Variants in PARP6 observed in about 807,000 individuals in gnomAD.
The protein encoded by PARP6 is poly(ADP-ribose) polymerase family member 6, also known as protein mono-ADP-ribosyltransferase PARP6.
A neutral mutation model predicts 92.0 loss-of-function variants in PARP6; 27 were observed. The ratio of observed to expected loss-of-function variants is 0.29; its 90% CI spans 0.22 to 0.40. PARP6 has a LOEUF of 0.40. Among genes scored for constraint, PARP6 ranks in the 10% least tolerant of loss-of-function variants. PARP6 has a pLI of 1.00. For missense variants in PARP6, 501 were observed against 784.5 expected, an observed-to-expected ratio of 0.64 and a Z score of 4.32; for synonymous variants, 272 against 281.2, an observed-to-expected ratio of 0.97 and a Z score of 0.33.
At chr15:72,255,460 G>A (rs2084947896) in intron 14 of PARP6, among the ~76,000 whole-genome samples, 1 of 151,746 alleles carries the variant, frequency 6.6e-6, no homozygotes, top group East Asian at 1.9e-4. Flanking sequence ...CACCATGTTG[G>A]CCAGGCTGGT....
chr15:72,253,331 C>A, intron 16 of PARP6, 106 bp downstream of exon 16: 2 of 859,778 alleles, frequency 2.3e-6, no homozygotes, highest in Non-Finnish European at 1.9e-6. Flanking sequence ...CTGCCTATAA[C>A]CTTGGGAAGG....
At chr15:72,268,699 C>T (rs1307016241) in intron 2 of PARP6, among the ~76,000 whole-genome samples, 1 of 152,158 alleles carries the variant, frequency 6.6e-6, no homozygotes, top group Non-Finnish European at 1.5e-5. Context: ...AACTCCATCT[C>T]AAAATAAAAA....
intron 14 of PARP6, among the ~76,000 whole-genome samples, chr15:72,256,063 C>T (rs1056208919): frequency 6.6e-6 from 1 of 152,138 alleles, no homozygotes; most frequent in African/African-American, 2.4e-5. Context: ...TCCCAAAGTG[C>T]TGGGATTACA....
intron 18 of PARP6, chr15:72,250,428 C>A: frequency 3.2e-6 from 1 of 314,924 alleles, no homozygotes; most frequent in Non-Finnish European, 6.0e-6. Flanking sequence ...ATCACTGACC[C>A]CAAATATGGC....
intron 8 of PARP6, among the ~76,000 whole-genome samples, chr15:72,261,943 C>T (rs951666163): frequency 3.3e-5 from 5 of 152,098 alleles, no homozygotes; most frequent in South Asian, 2.1e-4. Context: ...TTCAGAGATG[C>T]GTTGCCTTTA....
intron 2 of PARP6, among the ~76,000 whole-genome samples, chr15:72,268,060 A>G (rs2086841995): frequency 6.6e-6 from 1 of 152,226 alleles, no homozygotes; most frequent in Non-Finnish European, 1.5e-5. Flanking sequence ...CTATTAATAC[A>G]CTTTTATTAT....
Position 72,247,532 on chromosome 15 carries a change from TTTCTA to T in PARP6, c.1561+1708_1561+1712del, listed in dbSNP as rs553791992. 1.1e-4 allele frequency among the ~76,000 whole-genome samples: 16 copies of T among 152,328 alleles called. No individual in the cohort carries two copies. In the East Asian group the frequency reaches 3.1e-3, roughly 29 times the overall value. On this transcript the variant is annotated intron_variant, in intron 20 of 23. Transcript: ENST00000569795. ...TCTTTTATGATTTGTAATTCCATTT[TTTCTA>T]TTCTCTGGAAGACTTTAGATAAAAC...
chr15:72,268,469 C>A (rs922615091), intron 2 of PARP6, among the ~76,000 whole-genome samples: 2 of 152,226 alleles, frequency 1.3e-5, no homozygotes, highest in African/African-American at 4.8e-5. Context: ...AAGTCCTCAA[C>A]GGCCAGATCA....
chr15:72,242,505 T>C lies in PARP6; in HGVS notation c.1641+115A>G, dbSNP rs1567153484. ...CACTTTAGAACATACCTGACTCCTT[T>C]AAATGATCTCAAATCACTCCCCAAC... On this transcript the variant is annotated intron_variant, in intron 21 of 23. Coordinates refer to ENST00000569795, the MANE Select transcript of PARP6 (RefSeq NM_001323532.2). The surrounding 1 kb of genome is among the most constrained non-coding windows in gnomAD (Gnocchi z 4.3). The C allele has an allele frequency of 2.6e-6, 2 of 777,146 alleles. No homozygotes were observed. The highest frequency in any genetic ancestry group is 4.5e-6 in the Non-Finnish European group (2 of 440,398). The allele number at this position is 777,146 out of a possible 1,614,324, so 48.1% of individuals were successfully genotyped here. A position where few individuals can be genotyped will look rare whatever the true frequency, so the allele number is the denominator to read the frequency against.
chr15:72,253,682 A>G, intron 15 of PARP6, 178 bp from the exon 16 acceptor site: 1 of 696,362 alleles, frequency 1.4e-6, no homozygotes. Flanking sequence ...GAAGACTCAT[A>G]AATAAATATG....
At position 72,267,678 on chromosome 15, in the gene PARP6, A is replaced by G; in HGVS notation, c.-194-7T>C. 1 of 588,496 alleles carries G rather than the reference A, an allele frequency of 1.7e-6. No individual in the cohort carries two copies. Among genetic ancestry groups the G allele is most frequent in the South Asian group, 2.1e-5 (1 of 46,900 alleles). The allele number at this position is 588,496 out of a possible 1,614,324, so 36.5% of individuals were successfully genotyped here. A position where few individuals can be genotyped will look rare whatever the true frequency, so the allele number is the denominator to read the frequency against. On this transcript the variant is annotated splice_polypyrimidine_tract_variant and splice_region_variant and intron_variant, in intron 2 of 23. Transcript: ENST00000569795. ...GTGGTAACAAGTCACTGTCCTGTGG[A>G]AAGTAGATAATAATGGGTTTCATCA...
chr15:72,260,323 A>G (rs1318464323), intron 10 of PARP6, among the ~76,000 whole-genome samples, 155 bp downstream of exon 10: 22 of 152,216 alleles, frequency 1.4e-4, no homozygotes, highest in Non-Finnish European at 4.4e-5. Context: ...TCAAAAAAAA[A>G]GAAGTGTTCC....
rs1042379054 is a variant in PARP6, at chr15:72,270,355, T to C, written c.-195+668A>G. Among the ~76,000 whole-genome samples the C allele has an allele frequency of 4.6e-5, 7 of 152,308 alleles. No homozygotes were observed. The East Asian group carries it at 1.3e-3, about 29-fold the overall frequency. On this transcript the variant is annotated intron_variant, in intron 2 of 23. Coordinates refer to ENST00000569795, the MANE Select transcript of PARP6 (RefSeq NM_001323532.2). ...TGGTGAAGCTATGTGACGTACATGATGGTTTTCTGGTAATCCCTACCTCCC... is the reference window on the plus strand; with the variant it reads ...TGGTGAAGCTATGTGACGTACATGACGGTTTTCTGGTAATCCCTACCTCCC...
chr15:72,258,745 T>C (rs1183421074), intron 11 of PARP6, among the ~76,000 whole-genome samples: 2 of 152,230 alleles, frequency 1.3e-5, no homozygotes, highest in African/African-American at 2.4e-5. Context: ...TTGTTGTTTG[T>C]TTGTTTTTAA....
chr15:72,271,713 A>G, intron 1 of PARP6, among the ~76,000 whole-genome samples: 1 of 152,240 alleles, frequency 6.6e-6, no homozygotes, highest in East Asian at 1.9e-4. Context: ...GAAGTAAGCA[A>G]GAAAGACCTA....
intron 14 of PARP6, among the ~76,000 whole-genome samples, chr15:72,255,504 C>T (rs964723605): frequency 6.6e-6 from 1 of 151,998 alleles, no homozygotes; most frequent in African/African-American, 2.4e-5. Context: ...GTGATCCACC[C>T]GCCTTGGCCT....
intron 10 of PARP6, 83 bp from the exon 11 acceptor site, chr15:72,259,744 G>T: frequency 8.4e-7 from 1 of 1,191,364 alleles, no homozygotes; most frequent in Non-Finnish European, 1.2e-6. Flanking sequence ...TATCACCTAG[G>T]ACTCTCCTAA....
chr15:72,259,264 G>A (rs1468363047), intron 11 of PARP6, among the ~76,000 whole-genome samples: 1 of 152,218 alleles, frequency 6.6e-6, no homozygotes, highest in East Asian at 1.9e-4. Context: ...CAGTGAAAGG[G>A]GGTCTGTGAA....
At chr15:72,269,821 C>G (rs1036383117) in intron 2 of PARP6, among the ~76,000 whole-genome samples, 2 of 149,540 alleles carry the variant, frequency 1.3e-5, no homozygotes, top group Non-Finnish European at 3.0e-5. Context: ...ATCACTTGAC[C>G]TACGGAGGCA....
Sources: gnomAD v4.1 joint callset for allele counts (sites outside exome capture counted in the v4.1 genomes callset) on GRCh38, gnomAD v4.1.1 for gene constraint, Gnocchi (gnomAD v3.1) non-coding constraint, MANE v1.5 for transcripts, NCBI Gene and HGNC (gene_info 2026-07-23, HGNC 2026-07-21) for gene names.